MEF2B: variants seen among roughly 807,000 people sequenced by gnomAD.
MEF2B encodes the protein myocyte enhancer factor 2B.
Under a neutral mutation model 32.2 loss-of-function variants are expected in MEF2B, and 15 were observed. The observed-to-expected ratio is 0.47, with a 90% confidence interval of 0.31 to 0.72. The LOEUF is 0.72. Ranked by LOEUF, MEF2B falls within the 30% of genes least tolerant of loss-of-function variation. MEF2B has a pLI of 0.05. For synonymous variants in MEF2B, 205 were observed against 225.6 expected (o/e 0.91, Z 0.82); for missense variants, 441 against 511.5 (o/e 0.86, Z 1.33).
In MEF2B at chr19:19,145,815, G is replaced by C. The variant is rs536681796; in HGVS notation, c.1089C>G (p.Ala363=). 463 of 1,534,798 alleles carry C rather than the reference G, an allele frequency of 3.0e-4. 1 individual carries two copies. In the South Asian group the frequency reaches 5.3e-3, roughly 18 times the overall value. The change falls in exon 9 of 9, where the codon GCC becomes GCG. Residue 363 remains alanine (A), a synonymous_variant. Coordinates refer to ENST00000424583, the MANE Select transcript of MEF2B (RefSeq NM_001145785.2). This position sits in a 1 kb window ranked among gnomAD's most constrained non-coding sequence, Gnocchi z 4.6. ...PGPALRRLPL[A]DGWPR Reference sequence around the variant, plus strand: ...TGATCTCCTACCGGGGCCAGCCGTCGGCCAAGGGCAGCCGGCGCAGGGCGG... The same window carrying C: ...TGATCTCCTACCGGGGCCAGCCGTCCGCCAAGGGCAGCCGGCGCAGGGCGG...
intron 1 of MEF2B, among the ~76,000 whole-genome samples, chr19:19,160,158 C>T (rs1308259936): frequency 2.0e-5 from 3 of 151,672 alleles, no homozygotes; most frequent in East Asian, 1.9e-4. Context: ...TTGGTAGAGG[C>T]GGGGTTTCAG....
At chr19:19,159,132 G>T (rs1031728693) in intron 1 of MEF2B, among the ~76,000 whole-genome samples, 6 of 149,726 alleles carry the variant, frequency 4.0e-5, no homozygotes, top group East Asian at 2.0e-4. Context: ...GTAGAGATGG[G>T]GTTTCACCAT....
intron 3 of MEF2B, among the ~76,000 whole-genome samples, chr19:19,148,186 G>A (rs537015594): frequency 1.2e-4 from 18 of 152,256 alleles, no homozygotes; most frequent in Non-Finnish European, 2.4e-4. Flanking sequence ...TTAAGAGGCC[G>A]GGCGCGGTGG....
chr19:19,167,559 T>C (rs1248618195), intron 1 of MEF2B, among the ~76,000 whole-genome samples: 1 of 151,860 alleles, frequency 6.6e-6, no homozygotes, highest in African/African-American at 2.4e-5. Flanking sequence ...AAGAAACCTC[T>C]TCCAGAAGGC....
intron 1 of MEF2B, among the ~76,000 whole-genome samples, chr19:19,154,791 C>T (rs2060109247): frequency 6.6e-6 from 1 of 152,200 alleles, no homozygotes; most frequent in Admixed American, 6.6e-5. Flanking sequence ...TAAGACTCAG[C>T]TCATGGCTTC....
chr19:19,160,079 C>T (rs2060149100), intron 1 of MEF2B, among the ~76,000 whole-genome samples: 1 of 151,678 alleles, frequency 6.6e-6, no homozygotes, highest in African/African-American at 2.4e-5. Flanking sequence ...AGCGATTGTC[C>T]TGCCTCAGAC....
At chr19:19,149,592 G>T (rs369282123) in intron 2 of MEF2B, among the ~76,000 whole-genome samples, 163 bp from the exon 3 acceptor site, 1 of 152,092 alleles carries the variant, frequency 6.6e-6, no homozygotes, top group Non-Finnish European at 1.5e-5. Context: ...TCCTACTGGA[G>T]CTTCAAAACC....
chr19:19,168,558 C>A (rs11672144), intron 1 of MEF2B, among the ~76,000 whole-genome samples: 50,194 of 150,676 alleles, frequency 0.33, 8,770 homozygotes, highest in Non-Finnish European at 0.39. Context: ...CAGGTGTGAG[C>A]CACCGCGCCT....
chr19:19,155,490 G>T (rs2060114019), intron 1 of MEF2B, among the ~76,000 whole-genome samples: 1 of 152,148 alleles, frequency 6.6e-6, no homozygotes, highest in Non-Finnish European at 1.5e-5. Flanking sequence ...GGACAGTAAG[G>T]TTTGGTGAGC....
In MEF2B at chr19:19,152,392, AGAAAAAGAAAAAG is replaced by A. The variant is rs2060090762; in HGVS notation, c.-29-1641_-29-1629del. ...CAAGACTCTGTCTCAAAAAAAAAAA[AGAAAAAGAAAAAG>A]AAAAAGAAAAAGAAATCTGGCTTGG... On this transcript the variant is annotated intron_variant, in intron 1 of 8. Coordinates refer to ENST00000424583, the MANE Select transcript of MEF2B (RefSeq NM_001145785.2). Among the ~76,000 whole-genome samples, 5 of 139,258 alleles carry A rather than the reference AGAAAAAGAAAAAG, an allele frequency of 3.6e-5. No individual in the cohort carries two copies. In the South Asian group the frequency reaches 1.1e-3, roughly 32 times the overall value. 91.4% of individuals were successfully genotyped at this position (139,258 alleles called of 152,430 possible).
chr19:19,160,556 G>A (rs1195285792), intron 1 of MEF2B, among the ~76,000 whole-genome samples: 5 of 150,452 alleles, frequency 3.3e-5, no homozygotes, highest in Admixed American at 6.6e-5. Flanking sequence ...AGACCCCTGA[G>A]CCCGCAGGGA....
chr19:19,169,190 T>C (rs1217140984), intron 1 of MEF2B, among the ~76,000 whole-genome samples: 1 of 151,790 alleles, frequency 6.6e-6, no homozygotes, highest in Non-Finnish European at 1.5e-5. Context: ...CCATCTCTAC[T>C]AAAAATACAA....
intron 1 of MEF2B, among the ~76,000 whole-genome samples, chr19:19,162,084 A>G (rs1338017465): frequency 6.6e-6 from 1 of 151,824 alleles, no homozygotes; most frequent in Non-Finnish European, 1.5e-5. Context: ...CTGGGATTAC[A>G]GGCCACCATA....
chr19:19,150,828 TCA>T, intron 1 of MEF2B, 64 bp from the exon 2 acceptor site: 1 of 1,574,610 alleles, frequency 6.4e-7, no homozygotes, highest in Middle Eastern at 1.8e-4. Context: ...TACCCCAGCC[TCA>T]CACCTCTCCT....
At chr19:19,148,674 CTCTG>C in intron 3 of MEF2B, among the ~76,000 whole-genome samples, 1 of 148,884 alleles carries the variant, frequency 6.7e-6, no homozygotes, top group Non-Finnish European at 1.5e-5. Flanking sequence ...GTGAAGACTC[CTCTG>C]TCTTATTTAT....
intron 1 of MEF2B, among the ~76,000 whole-genome samples, chr19:19,157,708 C>T (rs1025795629): frequency 6.6e-6 from 1 of 152,110 alleles, no homozygotes; most frequent in African/African-American, 2.4e-5. Context: ...ATTAGCTGGG[C>T]GTGCTGGCAT....
At chr19:19,150,576 C>A in intron 2 of MEF2B, 106 bp downstream of exon 2, 1 of 1,459,128 alleles carries the variant, frequency 6.9e-7, no homozygotes, top group Admixed American at 2.0e-5. Context: ...ACTCCTCATG[C>A]CTCCTCATTC....
chr19:19,159,616 G>A (rs1467518471), intron 1 of MEF2B, among the ~76,000 whole-genome samples: 1 of 152,142 alleles, frequency 6.6e-6, no homozygotes, highest in African/African-American at 2.4e-5. Context: ...GAGGAGCCTG[G>A]TGATCCCAGG....
In MEF2B at chr19:19,145,660, G is replaced by A; in HGVS notation, c.*137C>T. ...CCCCCAGGGTGGATTGAGTCCAGCC[G>A]CCCACCTCCAAGCCCCCACCGCGGA... is the stretch of plus-strand genomic sequence containing the variant. On this transcript the variant is annotated 3_prime_UTR_variant, in exon 9 of 9. Transcript: ENST00000424583. This position sits in a 1 kb window ranked among gnomAD's most constrained non-coding sequence, Gnocchi z 4.6. 1 of 1,529,182 alleles carries A rather than the reference G, an allele frequency of 6.5e-7. No individual in the cohort carries two copies. 94.7% of individuals were successfully genotyped at this position (1,529,182 alleles called of 1,614,324 possible).
Sources: allele counts gnomAD v4.1 joint callset (sites outside exome capture counted in the v4.1 genomes callset), GRCh38; gene constraint gnomAD v4.1.1; non-coding constraint Gnocchi (gnomAD v3.1); transcripts MANE v1.5; gene names NCBI Gene and HGNC (gene_info 2026-07-23, HGNC 2026-07-21).